Variants in RXFP2 observed in about 807,000 individuals in gnomAD.
RXFP2 encodes the protein relaxin receptor 2.
In RXFP2, 68 loss-of-function variants were observed where a neutral mutation model predicts 88.6. The ratio of observed to expected loss-of-function variants is 0.77; its 90% CI spans 0.63 to 0.94. The LOEUF (loss-of-function observed/expected upper bound fraction) is 0.94. RXFP2 is among the 40% of genes least tolerant of loss of function. The pLI, the probability that RXFP2 is intolerant of heterozygous loss-of-function variation, is 0.00. For missense variants in RXFP2, 791 were observed against 893.9 expected, an observed-to-expected ratio of 0.88 and a Z score of 1.47; for synonymous variants, 329 against 306.8, an observed-to-expected ratio of 1.07 and a Z score of -0.76.
intron 17 of RXFP2, among the ~76,000 whole-genome samples, chr13:31,798,689 C>G (rs1252009601): frequency 6.6e-6 from 1 of 152,126 alleles, no homozygotes; most frequent in Non-Finnish European, 1.5e-5. Flanking sequence ...TATAATATTT[C>G]TTACCTCCCA....
intron 17 of RXFP2, among the ~76,000 whole-genome samples, chr13:31,798,770 C>T (rs1438713001): frequency 1.3e-5 from 2 of 152,166 alleles, no homozygotes; most frequent in African/African-American, 2.4e-5. Context: ...TGAGAAGACA[C>T]CAGCCTTTCC....
intron 5 of RXFP2, among the ~76,000 whole-genome samples, chr13:31,774,106 G>A (rs1411886448): frequency 6.6e-6 from 1 of 152,210 alleles, no homozygotes; most frequent in East Asian, 1.9e-4. Context: ...AACTGCTGAT[G>A]TCCTTTGATA....
intron 2 of RXFP2, among the ~76,000 whole-genome samples, chr13:31,759,047 C>CAA (rs537553906): frequency 1.0e-3 from 134 of 133,786 alleles, no homozygotes; most frequent in East Asian, 5.0e-3. Context: ...AACTCCATCT[C>CAA]AAAAAAAAAA....
intron 13 of RXFP2, among the ~76,000 whole-genome samples, chr13:31,787,408 T>C (rs1873592833): frequency 6.6e-6 from 1 of 152,236 alleles, no homozygotes. Context: ...ATCTGGTCCC[T>C]ATTCTTAAGA....
rs1421172503 is a variant in RXFP2 at position 31,770,756 on chromosome 13, C to A, written c.498-3864C>A. On this transcript the variant is annotated intron_variant, in intron 5 of 17. Transcript: ENST00000298386. ...CAATTCTATTTTCATGAAGCCCTCACTTTCCTTCTCGAAGGAACAACTCTC... is the reference window on the plus strand; with the variant it reads ...CAATTCTATTTTCATGAAGCCCTCAATTTCCTTCTCGAAGGAACAACTCTC... 4.6e-5 allele frequency among the ~76,000 whole-genome samples: 7 copies of A among 152,272 alleles called. No homozygotes were observed. In the South Asian group the frequency reaches 1.5e-3, roughly 32 times the overall value.
At chr13:31,748,382 A>C (rs1871514043) in intron 1 of RXFP2, among the ~76,000 whole-genome samples, 1 of 152,226 alleles carries the variant, frequency 6.6e-6, no homozygotes, top group South Asian at 2.1e-4. Context: ...CATCCTCACC[A>C]AATAGTGTAT....
Position 31,774,697 on chromosome 13 carries a change from T to A in RXFP2, c.569+6T>A. ...TTATGTAATCTGCAAATATTGTGAG[T>A]AACCTCTTTCTCATATTGTAGGTAT... On this transcript the variant is annotated splice_donor_region_variant and intron_variant, in intron 6 of 17. Coordinates refer to ENST00000298386, the MANE Select transcript of RXFP2 (RefSeq NM_130806.5). 1 of 1,384,352 alleles carries A rather than the reference T, an allele frequency of 7.2e-7. No individual in the cohort carries two copies. Among genetic ancestry groups the A allele is most frequent in the South Asian group, 1.2e-5 (1 of 86,452 alleles). 85.8% of individuals were successfully genotyped at this position (1,384,352 alleles called of 1,614,324 possible).
intron 1 of RXFP2, among the ~76,000 whole-genome samples, chr13:31,751,601 G>A (rs1871676934): frequency 6.6e-6 from 1 of 152,118 alleles, no homozygotes; most frequent in Admixed American, 6.5e-5. Flanking sequence ...TAAGTTGATG[G>A]GAATAGAATC....
chr13:31,798,905 G>C (rs1195935562), intron 17 of RXFP2, among the ~76,000 whole-genome samples: 1 of 152,010 alleles, frequency 6.6e-6, no homozygotes, highest in Non-Finnish European at 1.5e-5. Context: ...TGCCATTTTC[G>C]ATCTCTTCTC....
At position 31,797,228 on chromosome 13, in the gene RXFP2, T is replaced by C; in HGVS notation, c.1814T>C (p.Ile605Thr). 6.2e-7 allele frequency: 1 copy of C among 1,613,600 alleles called. No individual in the cohort carries two copies. Among genetic ancestry groups the C allele is most frequent in the Non-Finnish European group, 8.5e-7 (1 of 1,179,490 alleles). The change falls in exon 17 of 18, where the codon ATT becomes ACT. Residue 605 changes from isoleucine (I) to threonine (T), a missense_variant. Physicochemically the swap from Ile to Thr is moderately conservative, Grantham distance 89. Transcript: ENST00000298386. ...LGVNLLAFLIIVFSYITMFCS... is the reference protein window; with the variant it reads ...LGVNLLAFLITVFSYITMFCS... ...GTGAACTTGCTGGCTTTTCTCATCA[T>C]TGTGTTTTCCTATATTACTATGTTC...
At chr13:31,741,302 C>A (rs1871217440) in intron 1 of RXFP2, among the ~76,000 whole-genome samples, 1 of 151,970 alleles carries the variant, frequency 6.6e-6, no homozygotes, top group Non-Finnish European at 1.5e-5. Context: ...TTTTTATTTT[C>A]TAATTTTATA....
At chr13:31,742,880 C>CA (rs11464822) in intron 1 of RXFP2, among the ~76,000 whole-genome samples, 39,385 of 151,988 alleles carry the variant, frequency 0.26, 5,341 homozygotes, top group East Asian at 0.47. Flanking sequence ...TTTAAGAGCC[C>CA]AGAATGGCTT....
At chr13:31,766,275 A>G (rs916105179) in intron 5 of RXFP2, among the ~76,000 whole-genome samples, 2 of 152,206 alleles carry the variant, frequency 1.3e-5, no homozygotes, top group Admixed American at 6.5e-5. Context: ...AAACATCTCA[A>G]TAGGAAAATA....
At chr13:31,772,179 T>C (rs1157968890) in intron 5 of RXFP2, among the ~76,000 whole-genome samples, 2 of 152,200 alleles carry the variant, frequency 1.3e-5, no homozygotes, top group Admixed American at 1.3e-4. Flanking sequence ...ACTGCTACCA[T>C]GGAAACAAAC....
At chr13:31,746,756 A>G (rs1871436069) in intron 1 of RXFP2, among the ~76,000 whole-genome samples, 1 of 152,022 alleles carries the variant, frequency 6.6e-6, no homozygotes, top group Non-Finnish European at 1.5e-5. Flanking sequence ...TCAACCCCAC[A>G]GGCTAAAAAA....
chr13:31,747,051 TA>T (rs1206873197), intron 1 of RXFP2, among the ~76,000 whole-genome samples: 1 of 152,226 alleles, frequency 6.6e-6, no homozygotes, highest in Non-Finnish European at 1.5e-5. Context: ...TTTCCCACTT[TA>T]AAATGCCACT....
intron 16 of RXFP2, among the ~76,000 whole-genome samples, chr13:31,795,132 A>G (rs566207071): frequency 2.0e-5 from 3 of 151,598 alleles, no homozygotes; most frequent in Admixed American, 2.0e-4. Flanking sequence ...TTATATTACT[A>G]TCGTGCATTT....
chr13:31,752,856 A>G (rs959238728), intron 1 of RXFP2, among the ~76,000 whole-genome samples: 1 of 152,144 alleles, frequency 6.6e-6, no homozygotes, highest in Admixed American at 6.5e-5. Flanking sequence ...TGCTTTGCTG[A>G]CTGACAACAA....
chr13:31,800,398 G>A (rs754065810), intron 17 of RXFP2, among the ~76,000 whole-genome samples: 14 of 152,040 alleles, frequency 9.2e-5, no homozygotes, highest in Admixed American at 5.9e-4. Context: ...GTGAAACCCC[G>A]TCTCTACTGA....
Sources: gnomAD v4.1 joint callset for allele counts (sites outside exome capture counted in the v4.1 genomes callset) on GRCh38, gnomAD v4.1.1 for gene constraint, MANE v1.5 for transcripts, NCBI Gene and HGNC (gene_info 2026-07-23, HGNC 2026-07-21) for gene names.